Variants in PAX5 observed in about 807,000 individuals in gnomAD.
PAX5 encodes paired box protein Pax-5.
Under a neutral mutation model 43.7 loss-of-function variants are expected in PAX5, and 9 were observed. That is an observed-to-expected ratio of 0.21 (90% CI 0.12 to 0.36). The LOEUF (loss-of-function observed/expected upper bound fraction) is 0.36. Ranked by LOEUF, PAX5 falls within the 10% of genes least tolerant of loss-of-function variation. The pLI, the probability that PAX5 is intolerant of heterozygous loss-of-function variation, is 1.00. For missense variants in PAX5, 383 were observed against 532.7 expected, an observed-to-expected ratio of 0.72 and a Z score of 2.77; for synonymous variants, 228 against 214.3, an observed-to-expected ratio of 1.06 and a Z score of -0.56.
intron 1 of PAX5, among the ~76,000 whole-genome samples, chr9:37,024,771 C>G (rs925541586): frequency 6.6e-6 from 1 of 152,224 alleles, no homozygotes; most frequent in Non-Finnish European, 1.5e-5. Flanking sequence ...AAGCCGCCTT[C>G]TCCACACTGA....
intron 8 of PAX5, among the ~76,000 whole-genome samples, chr9:36,851,991 T>G (rs181874542): frequency 5.9e-4 from 90 of 152,338 alleles, no homozygotes; most frequent in Non-Finnish European, 9.8e-4. Flanking sequence ...CTCTTCCTCT[T>G]CCAAGCTGTG....
At chr9:36,960,050 A>G (rs1833822805) in intron 6 of PAX5, among the ~76,000 whole-genome samples, 1 of 152,234 alleles carries the variant, frequency 6.6e-6, no homozygotes, top group Admixed American at 6.5e-5. Flanking sequence ...AGCAATCACT[A>G]AAACCCAATA....
At chr9:36,877,597 A>G (rs1005934000) in intron 8 of PAX5, among the ~76,000 whole-genome samples, 10 of 152,180 alleles carry the variant, frequency 6.6e-5, no homozygotes, top group Admixed American at 1.3e-4. Flanking sequence ...ACATGCCAAC[A>G]GGCCCTCGGG....
intron 6 of PAX5, among the ~76,000 whole-genome samples, chr9:36,936,421 T>A (rs1421479593): frequency 1.3e-5 from 2 of 152,170 alleles, no homozygotes; most frequent in Non-Finnish European, 2.9e-5. Context: ...GGTGGCCAAG[T>A]TCCACAGGCT....
chr9:36,941,628 G>T (rs1437428920), intron 6 of PAX5, among the ~76,000 whole-genome samples: 2 of 152,188 alleles, frequency 1.3e-5, no homozygotes, highest in African/African-American at 4.8e-5. Flanking sequence ...GGAGGATCTG[G>T]AGACCTCAGA....
intron 6 of PAX5, among the ~76,000 whole-genome samples, chr9:36,958,260 A>C (rs149922278): frequency 3.0e-4 from 46 of 150,854 alleles, no homozygotes; most frequent in African/African-American, 1.1e-3. Flanking sequence ...CTACCCACTG[A>C]AAACCCATGT....
intron 3 of PAX5, among the ~76,000 whole-genome samples, chr9:37,010,025 A>G (rs1424897817): frequency 6.6e-6 from 1 of 152,220 alleles, no homozygotes; most frequent in South Asian, 2.1e-4. Flanking sequence ...AGCAGTCACC[A>G]AGTAAAAACA....
At chr9:36,841,189 A>G (rs1157576972) in intron 9 of PAX5, among the ~76,000 whole-genome samples, 1 of 152,188 alleles carries the variant, frequency 6.6e-6, no homozygotes, top group East Asian at 1.9e-4. Flanking sequence ...GCCCACACTC[A>G]TATATCATGC....
intron 8 of PAX5, chr9:36,861,413 CA>C (rs1824202469): frequency 6.7e-6 from 1 of 149,292 alleles, no homozygotes; most frequent in Non-Finnish European, 1.5e-5. Flanking sequence ...ACAAACAAAA[CA>C]GTAAACCAGA....
At chr9:36,860,438 T>C (rs542504443) in intron 8 of PAX5, among the ~76,000 whole-genome samples, 1 of 152,122 alleles carries the variant, frequency 6.6e-6, no homozygotes, top group African/African-American at 2.4e-5. Flanking sequence ...GGGAGGCAGA[T>C]GGTAATATTT....
intron 8 of PAX5, among the ~76,000 whole-genome samples, chr9:36,877,168 T>A (rs1047173153): frequency 1.3e-4 from 20 of 152,182 alleles, no homozygotes; most frequent in Admixed American, 4.6e-4. Flanking sequence ...AAAACCCGTC[T>A]CTACAAAAAA....
At position 37,034,106 on chromosome 9, in the gene PAX5, T is replaced by TC. The variant is rs1841305159; in HGVS notation, c.-76_-75insG. 2 of 770,388 alleles carry TC rather than the reference T, an allele frequency of 2.6e-6. No homozygotes were observed. The highest frequency in any genetic ancestry group is 1.9e-5 in the African/African-American group (1 of 51,588). The allele number at this position is 770,388 out of a possible 1,614,324, so 47.7% of individuals were successfully genotyped here. A position where few individuals can be genotyped will look rare whatever the true frequency, so the allele number is the denominator to read the frequency against. On this transcript the variant is annotated 5_prime_UTR_variant, in exon 1 of 10. Transcript: ENST00000358127. ...TTTGTGCCTTTTTTTTTCTTTTTTT[T>TC]TTTTTTTTTTTTTTTTTTTTGGTGC...
chr9:36,956,951 TC>T (rs1307974124), intron 6 of PAX5, among the ~76,000 whole-genome samples: 1 of 152,196 alleles, frequency 6.6e-6, no homozygotes, highest in Non-Finnish European at 1.5e-5. Flanking sequence ...CTTAAGCAGT[TC>T]AGTGAACAGG....
chr9:36,908,690 C>T lies in PAX5; in HGVS notation c.910+14665G>A, dbSNP rs567916741. 3.9e-5 allele frequency among the ~76,000 whole-genome samples: 6 copies of T among 152,304 alleles called. No individual in the cohort carries two copies. In the South Asian group the frequency reaches 1.2e-3, roughly 32 times the overall value. On this transcript the variant is annotated intron_variant, in intron 7 of 9. Coordinates refer to ENST00000358127, the MANE Select transcript of PAX5 (RefSeq NM_016734.3). ...CCACAAGAACAAGCTAATGAAATCG[C>T]TATTTTAGGAAGATGGATCACAGCA...
At chr9:36,955,104 A>T (rs1048586753) in intron 6 of PAX5, among the ~76,000 whole-genome samples, 2 of 151,848 alleles carry the variant, frequency 1.3e-5, no homozygotes, top group African/African-American at 4.8e-5. Flanking sequence ...TTGTCATGGC[A>T]TTTTATTCTT....
intron 9 of PAX5, among the ~76,000 whole-genome samples, chr9:36,845,661 C>T (rs1822494671): frequency 6.6e-6 from 1 of 152,194 alleles, no homozygotes; most frequent in South Asian, 2.1e-4. Context: ...GTCCCAAGAG[C>T]ATGGAATGGT....
At chr9:36,841,520 G>A (rs1354896126) in intron 9 of PAX5, among the ~76,000 whole-genome samples, 1 of 152,202 alleles carries the variant, frequency 6.6e-6, no homozygotes, top group African/African-American at 2.4e-5. Flanking sequence ...CCTGTAGTCT[G>A]TCCCTATGCT....
At chr9:37,002,247 G>A (rs1837940887) in intron 5 of PAX5, among the ~76,000 whole-genome samples, 1 of 152,118 alleles carries the variant, frequency 6.6e-6, no homozygotes, top group Non-Finnish European at 1.5e-5. Flanking sequence ...TCACGGTTTG[G>A]CCAGCCCCCT....
intron 8 of PAX5, among the ~76,000 whole-genome samples, chr9:36,850,326 G>A (rs934316801): frequency 6.6e-6 from 1 of 152,244 alleles, no homozygotes; most frequent in Non-Finnish European, 1.5e-5. Context: ...GGCCCCTCCA[G>A]GTGGCTGTGG....
Sources: gnomAD v4.1 joint callset for allele counts (sites outside exome capture counted in the v4.1 genomes callset) on GRCh38, gnomAD v4.1.1 for gene constraint, MANE v1.5 for transcripts, NCBI Gene and HGNC (gene_info 2026-07-23, HGNC 2026-07-21) for gene names.